The following TNFRSF14 variants were observed in gnomAD, a reference collection of about 807,000 sequenced individuals.
TNFRSF14 encodes the protein TNF receptor superfamily member 14.
TNFRSF14 carries 18 observed loss-of-function variants against 34.1 expected under a neutral mutation model. The ratio of observed to expected loss-of-function variants is 0.53; its 90% CI spans 0.36 to 0.78. TNFRSF14 has a LOEUF of 0.78. Among genes scored for constraint, TNFRSF14 ranks in the 30% least tolerant of loss-of-function variants. The probability of loss-of-function intolerance (pLI) is 0.00; values close to 1 mark genes in which losing one functional copy is unlikely to be tolerated. For missense variants in TNFRSF14, 352 were observed against 379.5 expected (o/e 0.93, Z 0.60); for synonymous variants, 157 against 153.2 (o/e 1.02, Z -0.18).
rs1644340615 is a variant in TNFRSF14, at chr1:2,563,387, T to C, written c.*114T>C. On this transcript the variant is annotated 3_prime_UTR_variant, in exon 8 of 8. Coordinates refer to ENST00000355716, the MANE Select transcript of TNFRSF14 (RefSeq NM_003820.4). ...GAGGCTTGGGGGCTCCGCCCTGGGC[T>C]GGCTTCCGTCTCCTCCAGTGGAGGG... 1 of 1,519,524 alleles carries C rather than the reference T, an allele frequency of 6.6e-7. No homozygotes were observed. The highest frequency in any genetic ancestry group is 1.4e-5 in the African/African-American group (1 of 72,178). 94.1% of individuals were successfully genotyped at this position (1,519,524 alleles called of 1,614,324 possible).
chr1:2,561,298 C>A lies in TNFRSF14; in HGVS notation c.552-375C>A. ...CCAGCTCAGTCCTGTCCATCTCCAG[C>A]TCTAACCATTTTTGTCCCGACACTG... On this transcript the variant is annotated intron_variant, in intron 5 of 7. Transcript: ENST00000355716. This position sits in a 1 kb window ranked among gnomAD's most constrained non-coding sequence, Gnocchi z 6.0. 1 of 590,424 alleles carries A rather than the reference C, an allele frequency of 1.7e-6. No homozygotes were observed. 36.6% of individuals were successfully genotyped at this position (590,424 alleles called of 1,614,324 possible).
chr1:2,559,467 G>A (rs762076867), intron 3 of TNFRSF14: 13 of 1,431,328 alleles, frequency 9.1e-6, no homozygotes, highest in South Asian at 8.5e-5. Context: ...TGCGGGGTGG[G>A]TGTCTGGGTG....
chr1:2,558,337 C>G lies in TNFRSF14; in HGVS notation c.179-6C>G, dbSNP rs764037166. 2 of 1,597,142 alleles carry G rather than the reference C, an allele frequency of 1.3e-6. No homozygotes were observed. The highest frequency in any genetic ancestry group is 1.7e-6 in the Non-Finnish European group (2 of 1,172,982). On this transcript the variant is annotated splice_region_variant and splice_polypyrimidine_tract_variant and intron_variant, in intron 2 of 7. Transcript: ENST00000355716. The stretch of plus-strand genomic sequence containing the variant: ...ACTTGCGAAGTTCCCACTCTCTGGG[C>G]GGCAGGTTATCGTGTGAAGGAGGCC...
Position 2,556,739 on chromosome 1 carries a change from C to T in TNFRSF14, c.69+6C>T, listed in dbSNP as rs751068844. 14 of 1,587,604 alleles carry T rather than the reference C, an allele frequency of 8.8e-6. No homozygotes were observed. Among genetic ancestry groups the T allele is most frequent in the East Asian group, 4.5e-5 (2 of 44,654 alleles). ...AAACCGACGTCTTGAGGCTGGTGAG[C>T]CCCCGAGCCTCCTCTCCGTCTGCTC... On this transcript the variant is annotated splice_donor_region_variant and intron_variant, in intron 1 of 7. Coordinates refer to ENST00000355716, the MANE Select transcript of TNFRSF14 (RefSeq NM_003820.4).
intron 4 of TNFRSF14, among the ~76,000 whole-genome samples, chr1:2,560,358 G>A (rs936672624): frequency 2.6e-5 from 4 of 152,156 alleles, no homozygotes; most frequent in African/African-American, 9.7e-5. Context: ...GCATCTGGCC[G>A]GGCAGCCCCC....
chr1:2,557,821 C>G lies in TNFRSF14; in HGVS notation c.165C>G (p.Pro55=). 6.2e-7 allele frequency: 1 copy of G among 1,610,002 alleles called. No individual in the cohort carries two copies. The change falls in exon 2 of 8, where the codon CCC becomes CCG. Residue 55 remains proline, a synonymous_variant. Coordinates refer to ENST00000355716, the MANE Select transcript of TNFRSF14 (RefSeq NM_003820.4). The stretch of plus-strand genomic sequence containing the variant: ...ACCCAGTGGGCTCCGAGTGCTGCCC[C>G]AAGTGCAGTCCAGGTAGGTGCAGCC... ...DEYPVGSECC[P]KCSPGYRVKE...
In TNFRSF14 at chr1:2,561,757, C is replaced by T. The variant is rs1240059098; in HGVS notation, c.636C>T (p.Ile212=). Residue 212 remains isoleucine, a synonymous_variant, in exon 6 of 8, where the codon ATC becomes ATT. Transcript: ENST00000355716. This position sits in a 1 kb window ranked among gnomAD's most constrained non-coding sequence, Gnocchi z 6.0. ...VWWFLSGSLV[I]VIVCSTVGLI... ...GGTTTCTCTCAGGGAGCCTCGTCATCGTCATTGTTTGCTCCACAGTTGGCC... is the reference window on the plus strand; with the variant it reads ...GGTTTCTCTCAGGGAGCCTCGTCATTGTCATTGTTTGCTCCACAGTTGGCC... 2 of 1,613,848 alleles carry T rather than the reference C, an allele frequency of 1.2e-6. No homozygotes were observed. Among genetic ancestry groups the T allele is most frequent in the Non-Finnish European group, 1.7e-6 (2 of 1,179,994 alleles).
Position 2,557,757 on chromosome 1 carries a change from G to A in TNFRSF14, c.101G>A (p.Cys34Tyr), listed in dbSNP as rs748126472. The change falls in exon 2 of 8, where the codon TGC becomes TAC. Residue 34 changes from cysteine to tyrosine, a missense_variant. By Grantham distance (194) the Cys-to-Tyr change is radical (BLOSUM62 -2). Coordinates refer to ENST00000355716, the MANE Select transcript of TNFRSF14 (RefSeq NM_003820.4). The stretch of plus-strand genomic sequence containing the variant: ...TATCTCACCTTCCTGGGAGCCCCCT[G>A]CTACGCCCCAGCTCTGCCGTCCTGC... ...VLYLTFLGAPCYAPALPSCKE... is the reference protein window; with the variant it reads ...VLYLTFLGAPYYAPALPSCKE... 1 of 1,611,116 alleles carries A rather than the reference G, an allele frequency of 6.2e-7. No individual in the cohort carries two copies. The highest frequency in any genetic ancestry group is 2.2e-5 in the East Asian group (1 of 44,776).
chr1:2,563,180 A>T lies in TNFRSF14; in HGVS notation c.759A>T (p.Thr253=), dbSNP rs535579701. The change falls in exon 8 of 8, where the codon ACA becomes ACT. Residue 253 remains threonine, a synonymous_variant. Transcript: ENST00000355716. ...RKRQEAEGEA[T]VIEALQAPPD... ...GACAGGAGGCAGAAGGTGAGGCCAC[A>T]GTCATTGAGGCCCTGCAGGCCCCTC... The T allele has an allele frequency of 6.2e-7, 1 of 1,613,526 alleles. No individual in the cohort carries two copies. The highest frequency in any genetic ancestry group is 2.2e-5 in the East Asian group (1 of 44,880).
intron 4 of TNFRSF14, among the ~76,000 whole-genome samples, chr1:2,560,340 C>T (rs1009064411): frequency 3.3e-5 from 5 of 152,148 alleles, no homozygotes; most frequent in African/African-American, 1.2e-4. Context: ...AGTGTCCAGC[C>T]CTGGCCTGCA....
At chr1:2,556,808 C>T (rs1644222580) in intron 1 of TNFRSF14, 75 bp downstream of exon 1, 2 of 1,419,712 alleles carry the variant, frequency 1.4e-6, no homozygotes, top group South Asian at 1.4e-5. Context: ...AGATCTCTTC[C>T]CCATGCCCCT....
chr1:2,556,404 G>T lies in TNFRSF14; in HGVS notation c.-261G>T. On this transcript the variant is annotated 5_prime_UTR_variant, in exon 1 of 8. Coordinates refer to ENST00000355716, the MANE Select transcript of TNFRSF14 (RefSeq NM_003820.4). ...CCTTCCCCTCGGCTTTGCCTGGACAGCTCCTGCCTCCCGCAGGGCCCACCT... is the reference window on the plus strand; with the variant it reads ...CCTTCCCCTCGGCTTTGCCTGGACATCTCCTGCCTCCCGCAGGGCCCACCT... 1.5e-6 allele frequency: 1 copy of T among 684,422 alleles called. No homozygotes were observed. 42.4% of individuals were successfully genotyped at this position (684,422 alleles called of 1,614,324 possible).
At chr1:2,556,803 T>G in intron 1 of TNFRSF14, 70 bp downstream of exon 1, 1 of 1,437,888 alleles carries the variant, frequency 7.0e-7, no homozygotes, top group Non-Finnish European at 9.3e-7. Flanking sequence ...CCCACAGATC[T>G]CTTCCCCATG....
At chr1:2,556,312 C>A, upstream of TNFRSF14, 2 of 587,726 alleles carry the variant, frequency 3.4e-6, no homozygotes, top group South Asian at 1.5e-5. Context: ...ACAGGAAACC[C>A]GGAGTGGACT....
chr1:2,560,006 C>T (rs1335686268), intron 4 of TNFRSF14, 28 bp downstream of exon 4: 1 of 1,504,016 alleles, frequency 6.6e-7, no homozygotes, highest in Non-Finnish European at 8.9e-7. Context: ...GACACCCCTC[C>T]CATTTCCACC....
At chr1:2,557,576 G>A (rs1644236219) in intron 1 of TNFRSF14, 150 bp from the exon 2 acceptor site, 5 of 564,708 alleles carry the variant, frequency 8.9e-6, no homozygotes, top group Admixed American at 7.9e-5. Context: ...GTTGTTCCAT[G>A]AGCCTGGCCT....
intron 3 of TNFRSF14, 164 bp from the exon 4 acceptor site, chr1:2,559,659 G>C: frequency 2.6e-6 from 4 of 1,535,190 alleles, no homozygotes; most frequent in South Asian, 1.2e-5. Flanking sequence ...CCCGGCCTCA[G>C]GTCCTCCATG....
At chr1:2,558,790 TG>T in intron 3 of TNFRSF14, 1 of 1,317,204 alleles carries the variant, frequency 7.6e-7, no homozygotes, top group East Asian at 3.1e-5. Flanking sequence ...CGTCCCTAGC[TG>T]CAAAGTGGAA....
rs1426418865 is a variant in TNFRSF14, at chr1:2,558,840, T to C, written c.304+372T>C. On this transcript the variant is annotated intron_variant, in intron 3 of 7. Coordinates refer to ENST00000355716, the MANE Select transcript of TNFRSF14 (RefSeq NM_003820.4). ...GGACTCTCCGGCCGGCACTCGGGCC[T>C]GCTGCTTCCCCACAGGGCTTCTTGT... The C allele has an allele frequency of 2.3e-6, 3 of 1,323,904 alleles. No individual in the cohort carries two copies. In the African/African-American group the frequency reaches 4.4e-5, roughly 19 times the overall value. The allele number at this position is 1,323,904 out of a possible 1,614,324, so 82.0% of individuals were successfully genotyped here. A position where few individuals can be genotyped will look rare whatever the true frequency, so the allele number is the denominator to read the frequency against.
Sources: gnomAD v4.1 joint callset for allele counts (sites outside exome capture counted in the v4.1 genomes callset) on GRCh38, gnomAD v4.1.1 for gene constraint, Gnocchi (gnomAD v3.1) non-coding constraint, MANE v1.5 for transcripts, NCBI Gene and HGNC (gene_info 2026-07-23, HGNC 2026-07-21) for gene names.